Variants in ZNF536 observed in about 807,000 individuals in gnomAD.
The protein encoded by ZNF536 is zinc finger protein 536.
Under a neutral mutation model 84.5 loss-of-function variants are expected in ZNF536, and 13 were observed. The ratio of observed to expected loss-of-function variants is 0.15; its 90% CI spans 0.10 to 0.24. The LOEUF (loss-of-function observed/expected upper bound fraction) is 0.24. Ranked by LOEUF, ZNF536 falls within the 10% of genes least tolerant of loss-of-function variation. The pLI is 1.00. For synonymous variants in ZNF536, 811 were observed against 742.5 expected, an observed-to-expected ratio of 1.09 and a Z score of -1.50; for missense variants, 1,536 against 1,747.5, an observed-to-expected ratio of 0.88 and a Z score of 2.16.
intron 1 of ZNF536, among the ~76,000 whole-genome samples, chr19:30,613,406 T>C (rs1418938540): frequency 6.6e-6 from 1 of 152,228 alleles, no homozygotes; most frequent in Non-Finnish European, 1.5e-5. Context: ...CAATCCTACA[T>C]GTCTTAAATT....
At chr19:30,374,618 T>C (rs1600445381) in intron 1 of ZNF536, among the ~76,000 whole-genome samples, 1 of 152,222 alleles carries the variant, frequency 6.6e-6, no homozygotes, top group East Asian at 1.9e-4. Context: ...ATTGCCTCTT[T>C]TGCGCAAAGA....
At chr19:30,281,316 T>C (rs950986944) in intron 1 of ZNF536, among the ~76,000 whole-genome samples, 1 of 152,204 alleles carries the variant, frequency 6.6e-6, no homozygotes. Flanking sequence ...CTTTAGCCCC[T>C]GCAAACCTTC....
chr19:30,586,131 C>T (rs2047086824), intron 1 of ZNF536, among the ~76,000 whole-genome samples: 1 of 152,222 alleles, frequency 6.6e-6, no homozygotes, highest in South Asian at 2.1e-4. Context: ...CAAGCTATTT[C>T]TAAGACTGAG....
chr19:30,311,642 C>T (rs1297075534), intron 2 of ZNF536, among the ~76,000 whole-genome samples: 1 of 152,110 alleles, frequency 6.6e-6, no homozygotes, highest in African/African-American at 2.4e-5. Flanking sequence ...CTTCCCCCAC[C>T]CCCACTCTCT....
At chr19:30,413,808 C>T (rs920826198) in intron 1 of ZNF536, among the ~76,000 whole-genome samples, 2 of 151,934 alleles carry the variant, frequency 1.3e-5, no homozygotes, top group African/African-American at 2.4e-5. Flanking sequence ...ATTCCCTGTA[C>T]TGGCTGGGCA....
intron 1 of ZNF536, among the ~76,000 whole-genome samples, chr19:30,570,950 C>T (rs2046523663): frequency 1.3e-5 from 2 of 152,122 alleles, no homozygotes; most frequent in South Asian, 4.1e-4. Context: ...TGGGAGTTAT[C>T]AAAACACATC....
chr19:30,447,177 A>T (rs909064474), intron 2 of ZNF536, among the ~76,000 whole-genome samples: 1 of 152,158 alleles, frequency 6.6e-6, no homozygotes, highest in Non-Finnish European at 1.5e-5. Context: ...GTCATTTTTT[A>T]AAAGTTTTTT....
At chr19:30,355,415 G>T (rs940274846) in intron 3 of ZNF536, among the ~76,000 whole-genome samples, 42 of 151,926 alleles carry the variant, frequency 2.8e-4, no homozygotes, top group African/African-American at 1.0e-3. Context: ...TGGAGACAGG[G>T]TCTCACTGTG....
intron 1 of ZNF536, among the ~76,000 whole-genome samples, chr19:30,427,861 A>C (rs1453978368): frequency 6.6e-6 from 1 of 152,188 alleles, no homozygotes; most frequent in Non-Finnish European, 1.5e-5. Flanking sequence ...ACATGAGACG[A>C]TGGAGGAAGT....
intron 1 of ZNF536, among the ~76,000 whole-genome samples, chr19:30,582,035 C>T (rs2046938210): frequency 1.3e-5 from 2 of 152,138 alleles, no homozygotes; most frequent in Non-Finnish European, 2.9e-5. Context: ...GTGGAATCCT[C>T]TGAGGGAAAA....
intron 1 of ZNF536, among the ~76,000 whole-genome samples, chr19:30,230,943 C>T (rs2144639731): frequency 6.6e-6 from 1 of 150,806 alleles, no homozygotes. Context: ...AGAAAGACAG[C>T]AATGATACTC....
intron 1 of ZNF536, among the ~76,000 whole-genome samples, chr19:30,418,716 C>CA (rs1399082811): frequency 6.6e-6 from 1 of 152,136 alleles, no homozygotes; most frequent in African/African-American, 2.4e-5. Flanking sequence ...AAGAGGTACC[C>CA]ATTTCCTTCA....
intron 1 of ZNF536, among the ~76,000 whole-genome samples, chr19:30,644,299 GA>G (rs2049378575): frequency 6.6e-6 from 1 of 151,796 alleles, no homozygotes; most frequent in Admixed American, 6.6e-5. Flanking sequence ...AATTCATAAC[GA>G]TTTGGTTTAA....
At chr19:30,692,822 C>A (rs547228722) in intron 1 of ZNF536, among the ~76,000 whole-genome samples, 2 of 152,292 alleles carry the variant, frequency 1.3e-5, no homozygotes, top group South Asian at 4.1e-4. Flanking sequence ...GCTTACTTAC[C>A]CTTCTGCTCC....
intron 1 of ZNF536, chr19:30,436,365 A>G (rs1180924323): frequency 3.0e-5 from 10 of 338,608 alleles, no homozygotes; most frequent in Admixed American, 6.5e-5. Context: ...CTGTTCATCT[A>G]TTAATCATCT....
In ZNF536 at chr19:30,267,823, C is replaced by T. The variant is rs1315354851; in HGVS notation, c.-189-16249C>T. 5.3e-5 allele frequency among the ~76,000 whole-genome samples: 8 copies of T among 152,020 alleles called. No individual in the cohort carries two copies. The East Asian group carries it at 5.9e-4, about 11-fold the overall frequency. ...GATAGTGAGTTTTCACAGTGCTTTG[C>T]GAGTCTCGCTTTCTTTTTCAGCCTA... On this transcript the variant is annotated intron_variant, in intron 1 of 5. Coordinates refer to the ZNF536 transcript ENST00000585628.
chr19:30,551,612 G>T (rs1043193137), intron 4 of ZNF536, among the ~76,000 whole-genome samples: 1 of 152,202 alleles, frequency 6.6e-6, no homozygotes, highest in Non-Finnish European at 1.5e-5. Flanking sequence ...CCTCATGTCA[G>T]CCAAGCTTGA....
chr19:30,288,364 A>C (rs9630881), intron 2 of ZNF536, among the ~76,000 whole-genome samples: 7,259 of 152,242 alleles, frequency 0.048, 549 homozygotes, highest in African/African-American at 0.16. Context: ...GCCACTGCTC[A>C]GTCCTATTAG....
chr19:30,424,245 G>A (rs1157787159), intron 1 of ZNF536, among the ~76,000 whole-genome samples: 1 of 152,194 alleles, frequency 6.6e-6, no homozygotes, highest in Non-Finnish European at 1.5e-5. Context: ...GGGCTGCAGG[G>A]GGGTCTGGAC....
Sources: gnomAD v4.1 joint callset for allele counts (sites outside exome capture counted in the v4.1 genomes callset) on GRCh38, gnomAD v4.1.1 for gene constraint, MANE v1.5 for transcripts, NCBI Gene and HGNC (gene_info 2026-07-23, HGNC 2026-07-21) for gene names.